The following DYM variants were observed in gnomAD, a reference collection of about 807,000 sequenced individuals.
DYM encodes dyggve-Melchior-Clausen syndrome protein.
A neutral mutation model predicts 93.1 loss-of-function variants in DYM; 78 were observed. The observed-to-expected ratio is 0.84, with a 90% CI of 0.70 to 1.01. The LOEUF is 1.01. DYM is among the 50% of genes least tolerant of loss of function. DYM has a pLI of 0.00. For missense variants in DYM, 789 were observed against 845.0 expected (o/e 0.93, Z 0.82); for synonymous variants, 321 against 319.7 (o/e 1.00, Z -0.04).
intron 14 of DYM, among the ~76,000 whole-genome samples, chr18:49,169,531 A>G (rs556356968): frequency 6.6e-6 from 1 of 152,326 alleles, no homozygotes; most frequent in African/African-American, 2.4e-5. Context: ...GACGTGTTCT[A>G]TGAAAGCAGG....
At chr18:49,427,027 C>A (rs1249775643) in intron 2 of DYM, among the ~76,000 whole-genome samples, 1 of 151,980 alleles carries the variant, frequency 6.6e-6, no homozygotes, top group East Asian at 1.9e-4. Flanking sequence ...TAGAAATGAC[C>A]AAATTAGAAA....
At chr18:49,331,178 G>T (rs905787732) in intron 8 of DYM, among the ~76,000 whole-genome samples, 2 of 152,148 alleles carry the variant, frequency 1.3e-5, no homozygotes, top group Non-Finnish European at 2.9e-5. Flanking sequence ...CTCCCAGGCC[G>T]ACCTCACAAG....
rs545765862 is a variant in DYM at position 49,196,006 on chromosome 18, C to T, written c.1625+13545G>A. On this transcript the variant is annotated intron_variant, in intron 14 of 17. Coordinates refer to ENST00000675505, the MANE Select transcript of DYM (RefSeq NM_001353214.3). ...TGGTGCGATCTCGGCTCACTGCAAC[C>T]TTCACCTCCCGGGTTCAAGCGAATT... 2.1e-5 allele frequency among the ~76,000 whole-genome samples: 3 copies of T among 145,436 alleles called. No homozygotes were observed. The East Asian group carries it at 6.0e-4, about 29-fold the overall frequency.
chr18:49,057,724 A>G (rs1395384246), intron 17 of DYM, among the ~76,000 whole-genome samples: 7 of 152,232 alleles, frequency 4.6e-5, no homozygotes, highest in Non-Finnish European at 8.8e-5. Flanking sequence ...ATTTCAATAA[A>G]TACCATGAAA....
At chr18:49,327,277 G>C (rs1257329479) in intron 8 of DYM, among the ~76,000 whole-genome samples, 1 of 151,896 alleles carries the variant, frequency 6.6e-6, no homozygotes, top group Non-Finnish European at 1.5e-5. Context: ...AAAGATTGTT[G>C]ATCATTCTTG....
chr18:49,196,501 TAG>T (rs1357045136), intron 14 of DYM, among the ~76,000 whole-genome samples: 2 of 151,786 alleles, frequency 1.3e-5, no homozygotes, highest in Non-Finnish European at 2.9e-5. Flanking sequence ...GATCTACTCT[TAG>T]AGTGAGAGTG....
At chr18:49,111,007 TG>T (rs2081337281) in intron 16 of DYM, among the ~76,000 whole-genome samples, 2 of 152,222 alleles carry the variant, frequency 1.3e-5, no homozygotes, top group African/African-American at 4.8e-5. Context: ...GTCTGTCACA[TG>T]TTTTTTACTT....
chr18:49,222,203 A>G lies in DYM; in HGVS notation c.1461-12488T>C, dbSNP rs564079113. On this transcript the variant is annotated intron_variant, in intron 13 of 17. Coordinates refer to ENST00000675505, the MANE Select transcript of DYM (RefSeq NM_001353214.3). ...GGAACAGAATAAAGAGAAAAACATTATATTTATGTTATTCAAAAAAGCAAA... is the reference window on the plus strand; with the variant it reads ...GGAACAGAATAAAGAGAAAAACATTGTATTTATGTTATTCAAAAAAGCAAA... Among the ~76,000 whole-genome samples, 15 of 152,202 alleles carry G rather than the reference A, an allele frequency of 9.9e-5. No individual in the cohort carries two copies. In the South Asian group the frequency reaches 2.7e-3, roughly 27 times the overall value.
rs924477281 is a variant in DYM, at chr18:49,352,776, T to C, written c.494+10385A>G. On this transcript the variant is annotated intron_variant, in intron 6 of 17. Transcript: ENST00000675505. ...TGAAGCTGACTCTTAAGGAATCAAC[T>C]ATGGATTATTTAGCAAAGTTTGATG... Among the ~76,000 whole-genome samples the C allele has an allele frequency of 3.3e-5, 5 of 152,198 alleles. No individual in the cohort carries two copies. In the South Asian group the frequency reaches 1.0e-3, roughly 32 times the overall value.
rs773620727 is a variant in DYM, at chr18:49,083,347, G to A, written c.2025+14055C>T. 1.0e-3 allele frequency among the ~76,000 whole-genome samples: 158 copies of A among 152,172 alleles called. 1 individual carries two copies. The highest frequency in any genetic ancestry group is 3.4e-3 in the Middle Eastern group (1 of 294). On this transcript the variant is annotated intron_variant, in intron 17 of 17. Coordinates refer to ENST00000675505, the MANE Select transcript of DYM (RefSeq NM_001353214.3). ...ATATTAAACTAATTTTGTATTCCTG[G>A]GATAAATCTGACTTGGTTATGGTGT...
chr18:49,441,213 T>TTA (rs1273901571), intron 1 of DYM, among the ~76,000 whole-genome samples: 12 of 39,996 alleles, frequency 3.0e-4, no homozygotes, highest in Non-Finnish European at 4.7e-4. Flanking sequence ...ATTATATATA[T>TTA]TATATATAAT....
chr18:49,261,043 A>G (rs752113668), intron 11 of DYM, among the ~76,000 whole-genome samples: 4 of 152,200 alleles, frequency 2.6e-5, no homozygotes, highest in Non-Finnish European at 5.9e-5. Flanking sequence ...ATACTAAAAG[A>G]GGATTAAAAT....
chr18:49,241,772 G>A (rs76318934), intron 13 of DYM, among the ~76,000 whole-genome samples: 11,705 of 152,258 alleles, frequency 0.077, 738 homozygotes, highest in East Asian at 0.31. Flanking sequence ...ACTGATATCT[G>A]CCGAAGGTAG....
At chr18:49,281,313 G>C (rs2094969515) in intron 10 of DYM, among the ~76,000 whole-genome samples, 1 of 152,226 alleles carries the variant, frequency 6.6e-6, no homozygotes, top group African/African-American at 2.4e-5. Flanking sequence ...ACAGGTGCTG[G>C]AGAGGATGTG....
Position 49,042,497 on chromosome 18 carries a change from T to G in DYM, c.*1558A>C, listed in dbSNP as rs1049388336. 6.6e-6 allele frequency: 1 copy of G among 152,254 alleles called. No individual in the cohort carries two copies. Among genetic ancestry groups the G allele is most frequent in the Non-Finnish European group, 1.5e-5 (1 of 68,092 alleles). The allele number at this position is 152,254 out of a possible 1,614,324, so 9.4% of individuals were successfully genotyped here. On this transcript the variant is annotated 3_prime_UTR_variant, in exon 18 of 18. Coordinates refer to ENST00000675505, the MANE Select transcript of DYM (RefSeq NM_001353214.3). Reference sequence around the variant, plus strand: ...TGAGAGGCTGCCAGTGTTTTGACCTTTTACAGAGCTTGGGGTGACTGAGAA... The same window carrying G: ...TGAGAGGCTGCCAGTGTTTTGACCTGTTACAGAGCTTGGGGTGACTGAGAA...
intron 16 of DYM, among the ~76,000 whole-genome samples, chr18:49,115,586 G>A (rs1369566772): frequency 6.6e-6 from 1 of 152,100 alleles, no homozygotes; most frequent in Non-Finnish European, 1.5e-5. Flanking sequence ...CTGCCACAAG[G>A]GCAGACTGAA....
rs1014981617 is a variant in DYM at position 49,209,655 on chromosome 18, G to C, written c.1521C>G (p.His507Gln). 3 of 1,289,600 alleles carry C rather than the reference G, an allele frequency of 2.3e-6. No individual in the cohort carries two copies. Among genetic ancestry groups the C allele is most frequent in the Non-Finnish European group, 3.0e-6 (3 of 988,742 alleles). 79.9% of individuals were successfully genotyped at this position (1,289,600 alleles called of 1,614,324 possible). A position where few individuals can be genotyped will look rare whatever the true frequency, so the allele number is the denominator to read the frequency against. The change falls in exon 14 of 18, where the codon CAC becomes CAG. Residue 507 changes from histidine (H) to glutamine (Q), a missense_variant. Around this residue, in one of 3 missense-constraint regions of DYM, gnomAD observed 225 missense variants for 303.0 expected, o/e 0.74. Transcript: ENST00000675505. Reference protein sequence around the residue: ...VYVLDKLYFPHSHCSTLQHCF... With the variant: ...VYVLDKLYFPQSHCSTLQHCF... ...AATGCTGAAGCGTAGAACAGTGAGA[G>C]TGGGGGAAATACAGTTTGTCCAACA...
intron 8 of DYM, among the ~76,000 whole-genome samples, chr18:49,312,477 T>A (rs991857700): frequency 1.3e-5 from 2 of 151,936 alleles, no homozygotes; most frequent in African/African-American, 2.4e-5. Context: ...CAGCACACAC[T>A]CCCCAGTCTG....
At chr18:49,339,741 A>T (rs1359345268) in intron 6 of DYM, among the ~76,000 whole-genome samples, 1 of 152,186 alleles carries the variant, frequency 6.6e-6, no homozygotes, top group Non-Finnish European at 1.5e-5. Context: ...CTCTGACCCT[A>T]AAAAACTATG....
Sources: allele counts gnomAD v4.1 joint callset (sites outside exome capture counted in the v4.1 genomes callset), GRCh38; gene constraint gnomAD v4.1.1; regional missense constraint gnomAD v4.1.1; transcripts MANE v1.5; gene names NCBI Gene and HGNC (gene_info 2026-07-23, HGNC 2026-07-21).